HPN: variants seen among roughly 807,000 people sequenced by gnomAD.
The protein encoded by HPN is serine protease hepsin.
HPN carries 13 observed loss-of-function variants against 55.9 expected under a neutral mutation model. The observed-to-expected ratio is 0.23, with a 90% CI of 0.15 to 0.37. The LOEUF is 0.37. Among genes scored for constraint, HPN ranks in the 10% least tolerant of loss-of-function variants. HPN has a pLI of 1.00. For synonymous variants in HPN, 225 were observed against 240.3 expected (o/e 0.94, Z 0.59); for missense variants, 451 against 575.8 (o/e 0.78, Z 2.22).
chr19:35,066,289 C>G lies in HPN; in HGVS notation c.*2C>G, dbSNP rs777927686. ...AGCGGCATGGTGACCCAGCTCTGAC[C>G]GGTGGCTTCTCGCTGCGCAGCCTCC... On this transcript the variant is annotated 3_prime_UTR_variant, in exon 13 of 13. Coordinates refer to ENST00000672452, the MANE Select transcript of HPN (RefSeq NM_001384133.1). The G allele has an allele frequency of 7.4e-5, 119 of 1,611,508 alleles. No homozygotes were observed. The highest frequency in any genetic ancestry group is 1.6e-4 in the Middle Eastern group (1 of 6,080).
chr19:35,057,916 C>A (rs1269629470), intron 4 of HPN, among the ~76,000 whole-genome samples: 1 of 151,932 alleles, frequency 6.6e-6, no homozygotes, highest in African/African-American at 2.4e-5. Context: ...TTTGGGAGGC[C>A]GAGGCAGGCA....
intron 9 of HPN, among the ~76,000 whole-genome samples, chr19:35,063,878 T>C (rs2064566843): frequency 1.3e-5 from 2 of 152,186 alleles, no homozygotes; most frequent in South Asian, 4.1e-4. Context: ...GTTTCCCTTA[T>C]CTGTAAAATG....
chr19:35,059,753 T>A lies in HPN; in HGVS notation c.241T>A (p.Ser81Thr). 6.3e-7 allele frequency: 1 copy of A among 1,591,870 alleles called. No individual in the cohort carries two copies. Residue 81 changes from serine (S) to threonine (T), a missense_variant, in exon 5 of 13, where the codon TCC becomes ACC. Physicochemically the swap from Ser to Thr is moderately conservative, Grantham distance 58. Transcript: ENST00000672452. ...GTWRLLCSSRSNARVAGLSCE... is the reference protein window; with the variant it reads ...GTWRLLCSSRTNARVAGLSCE... ...GTGGCGGCTGCTGTGCTCCTCGCGC[T>A]CCAACGCCAGGGTAGCCGGACTCAG...
At chr19:35,043,146 C>G (rs1382674001) in intron 2 of HPN, among the ~76,000 whole-genome samples, 1 of 152,222 alleles carries the variant, frequency 6.6e-6, no homozygotes, top group African/African-American at 2.4e-5. Flanking sequence ...TCCTCCACCT[C>G]CTGGCTCTGT....
intron 2 of HPN, among the ~76,000 whole-genome samples, chr19:35,046,248 T>A (rs2064340578): frequency 1.1e-5 from 1 of 95,064 alleles, no homozygotes; most frequent in Non-Finnish European, 2.2e-5. Flanking sequence ...GAGCTTTCAA[T>A]TTTTTTTTTT....
Position 35,049,305 on chromosome 19 carries a change from C to T in HPN, c.32C>T (p.Pro11Leu). Residue 11 changes from proline (P) to leucine (L), a missense_variant, in exon 3 of 13, where the codon CCA becomes CTA. Transcript: ENST00000672452. Reference sequence around the variant, plus strand: ...TCTGTTGCAGGTGGCCGGACTGTGCCATGCTGCTCCAGACCCAAGGTGGCA... The same window carrying T: ...TCTGTTGCAGGTGGCCGGACTGTGCTATGCTGCTCCAGACCCAAGGTGGCA... MAQKEGGRTV[P>L]CCSRPKVAAL... The T allele has an allele frequency of 6.4e-7, 1 of 1,574,564 alleles. No individual in the cohort carries two copies. Among genetic ancestry groups the T allele is most frequent in the South Asian group, 1.2e-5 (1 of 84,398 alleles).
At chr19:35,046,476 C>T (rs1193917645) in intron 2 of HPN, among the ~76,000 whole-genome samples, 1 of 152,118 alleles carries the variant, frequency 6.6e-6, no homozygotes, top group African/African-American at 2.4e-5. Flanking sequence ...AGCTCCTGAC[C>T]TCAAGTGATC....
At chr19:35,066,118 C>T in intron 12 of HPN, 86 bp downstream of exon 12, 1 of 1,612,474 alleles carries the variant, frequency 6.2e-7, no homozygotes, top group Non-Finnish European at 8.5e-7. Flanking sequence ...TTTTAGGAAA[C>T]CTACGCTCAG....
chr19:35,049,857 G>GTTTTTT (rs1245207536), intron 4 of HPN, among the ~76,000 whole-genome samples: 3 of 82,706 alleles, frequency 3.6e-5, no homozygotes, highest in Non-Finnish European at 4.8e-5. Flanking sequence ...GCTAATTTTT[G>GTTTTTT]TTTGTTTTTT....
intron 4 of HPN, among the ~76,000 whole-genome samples, chr19:35,055,468 G>A (rs1248236604): frequency 6.6e-6 from 1 of 151,538 alleles, no homozygotes; most frequent in Non-Finnish European, 1.5e-5. Flanking sequence ...ATCTCTCCCT[G>A]AACCTGCTCC....
At chr19:35,042,241 C>T (rs149407285) in intron 1 of HPN, 7 of 1,330,936 alleles carry the variant, frequency 5.3e-6, no homozygotes, top group Admixed American at 3.6e-5. Context: ...GCATGGGGGT[C>T]CCCATCCCTG....
chr19:35,059,574 A>T (rs1404029340), intron 4 of HPN, 99 bp from the exon 5 acceptor site: 1 of 1,464,174 alleles, frequency 6.8e-7, no homozygotes, highest in African/African-American at 1.4e-5. Context: ...CGTCTACACC[A>T]CATGGCTGGA....
intron 2 of HPN, among the ~76,000 whole-genome samples, chr19:35,045,740 G>A (rs113013613): frequency 2.0e-4 from 30 of 150,640 alleles, no homozygotes; most frequent in Middle Eastern, 6.8e-3. Flanking sequence ...GTAGAGACAC[G>A]CAGGGAGGAT....
At chr19:35,065,815 GCC>G in intron 11 of HPN, 51 bp from the exon 12 acceptor site, 1 of 1,605,470 alleles carries the variant, frequency 6.2e-7, no homozygotes, top group Non-Finnish European at 8.5e-7. Flanking sequence ...CCCGGGGTGG[GCC>G]TCCTGTCCAA....
chr19:35,059,925 G>T lies in HPN; in HGVS notation c.342G>T (p.Thr114=), dbSNP rs775392789. 10 of 1,515,912 alleles carry T rather than the reference G, an allele frequency of 6.6e-6. No individual in the cohort carries two copies. The highest frequency in any genetic ancestry group is 8.8e-6 in the Non-Finnish European group (10 of 1,133,078). 93.9% of individuals were successfully genotyped at this position (1,515,912 alleles called of 1,614,324 possible). ...TGCGAACGGCGGGCGCCAATGGCAC[G>T]TCGGGCTTCTTCTGTGTGGACGAGG... ...LDVRTAGANG[T]SGFFCVDEGR... is the part of the protein sequence containing the mutation. The change falls in exon 6 of 13, where the codon ACG becomes ACT. Residue 114 remains threonine (T), a synonymous_variant. Coordinates refer to ENST00000672452, the MANE Select transcript of HPN (RefSeq NM_001384133.1).
At position 35,059,935 on chromosome 19, in the gene HPN, T is replaced by A; in HGVS notation, c.352T>A (p.Phe118Ile). The A allele has an allele frequency of 6.5e-7, 1 of 1,532,880 alleles. No individual in the cohort carries two copies. Among genetic ancestry groups the A allele is most frequent in the South Asian group, 1.3e-5 (1 of 77,308 alleles). 95.0% of individuals were successfully genotyped at this position (1,532,880 alleles called of 1,614,324 possible). A position where few individuals can be genotyped will look rare whatever the true frequency, so the allele number is the denominator to read the frequency against. ...TAGANGTSGF[F>I]CVDEGRLPHT... ...GGGCGCCAATGGCACGTCGGGCTTC[T>A]TCTGTGTGGACGAGGGGAGGCTGCC... The change falls in exon 6 of 13, where the codon TTC becomes ATC. Residue 118 changes from phenylalanine to isoleucine, a missense_variant. By Grantham distance (21) the Phe-to-Ile change is conservative. Around this residue, in one of 2 missense-constraint regions of HPN, gnomAD observed 378 missense variants for 445.5 expected, o/e 0.85. Transcript: ENST00000672452.
chr19:35,059,652 C>T (rs1488124211), intron 4 of HPN, 21 bp from the exon 5 acceptor site: 1 of 1,581,700 alleles, frequency 6.3e-7, no homozygotes, highest in Middle Eastern at 1.7e-4. Context: ...CCAGGCGGCC[C>T]CGGGCCCTGT....
chr19:35,049,925 G>A (rs2064386273), intron 4 of HPN, among the ~76,000 whole-genome samples: 1 of 151,496 alleles, frequency 6.6e-6, no homozygotes, highest in South Asian at 2.1e-4. Flanking sequence ...CTGAGGGTGG[G>A]ACTGTTATTC....
intron 4 of HPN, among the ~76,000 whole-genome samples, chr19:35,058,271 C>A (rs1286873363): frequency 6.7e-6 from 1 of 150,094 alleles, no homozygotes; most frequent in Non-Finnish European, 1.5e-5. Flanking sequence ...CCTCTGCTGC[C>A]CAGGTTCAAG....
Sources: allele counts gnomAD v4.1 joint callset (sites outside exome capture counted in the v4.1 genomes callset), GRCh38; gene constraint gnomAD v4.1.1; regional missense constraint gnomAD v4.1.1; transcripts MANE v1.5; gene names NCBI Gene and HGNC (gene_info 2026-07-23, HGNC 2026-07-21).